NAALADL2: variants seen among roughly 807,000 people sequenced by gnomAD.
The protein encoded by NAALADL2 is inactive N-acetylated-alpha-linked acidic dipeptidase-like protein 2.
NAALADL2 carries 76 observed loss-of-function variants against 87.2 expected under a neutral mutation model. That is an observed-to-expected ratio of 0.87 (90% CI 0.72 to 1.05). NAALADL2 has a LOEUF of 1.05. Ranked by LOEUF, NAALADL2 falls within the 50% of genes least tolerant of loss-of-function variation. The pLI is 0.00. For synonymous variants in NAALADL2, 354 were observed against 331.0 expected (o/e 1.07, Z -0.75); for missense variants, 1,089 against 945.8 (o/e 1.15, Z -1.99).
At position 175,346,959 on chromosome 3, in the gene NAALADL2, C is replaced by A. The variant is rs543346388; in HGVS notation, c.1090+22634C>A. ...AAGAAATGTTAGAAACTGTGTTGGG[C>A]CTTTATACAAATTTAGTCTTGCGAG... is the stretch of plus-strand genomic sequence containing the variant. On this transcript the variant is annotated intron_variant, in intron 5 of 13. Transcript: ENST00000454872. 2.0e-5 allele frequency among the ~76,000 whole-genome samples: 3 copies of A among 151,634 alleles called. No individual in the cohort carries two copies. In the South Asian group the frequency reaches 6.3e-4, roughly 32 times the overall value.
At chr3:174,678,287 G>T (rs1727224566) in intron 2 of NAALADL2, among the ~76,000 whole-genome samples, 1 of 152,130 alleles carries the variant, frequency 6.6e-6, no homozygotes, top group Non-Finnish European at 1.5e-5. Flanking sequence ...AGGTGATGCT[G>T]ATAATGCAAG....
At chr3:175,263,237 G>C (rs1192705489) in intron 4 of NAALADL2, among the ~76,000 whole-genome samples, 1 of 151,620 alleles carries the variant, frequency 6.6e-6, no homozygotes, top group East Asian at 1.9e-4. Flanking sequence ...ATCTACAAAG[G>C]GTATTTTTTG....
intron 1 of NAALADL2, among the ~76,000 whole-genome samples, chr3:174,909,999 A>G (rs75142917): frequency 0.087 from 13,310 of 152,138 alleles, 759 homozygotes; most frequent in Non-Finnish European, 0.12. Context: ...AGAGATTATA[A>G]AGAATCACAT....
chr3:175,090,234 A>G (rs900323540), intron 1 of NAALADL2, among the ~76,000 whole-genome samples: 4 of 152,182 alleles, frequency 2.6e-5, no homozygotes, highest in South Asian at 2.1e-4. Context: ...TATTAGTGAG[A>G]CTTAAACTTA....
chr3:175,389,215 A>G (rs1275495334), intron 5 of NAALADL2, among the ~76,000 whole-genome samples: 4 of 152,170 alleles, frequency 2.6e-5, no homozygotes, highest in Admixed American at 2.6e-4. Context: ...ATAAGGCTAC[A>G]TAAAGCATTT....
At chr3:174,889,778 T>A (rs1470256244) in intron 1 of NAALADL2, among the ~76,000 whole-genome samples, 2 of 152,188 alleles carry the variant, frequency 1.3e-5, no homozygotes, top group Non-Finnish European at 2.9e-5. Flanking sequence ...TCTCCCTCCT[T>A]GATACCTGTA....
At chr3:174,595,501 G>A (rs1717800014) in intron 2 of NAALADL2, among the ~76,000 whole-genome samples, 1 of 152,146 alleles carries the variant, frequency 6.6e-6, no homozygotes, top group Non-Finnish European at 1.5e-5. Context: ...AACTTGAGGG[G>A]AGAAAAGGCT....
intron 9 of NAALADL2, among the ~76,000 whole-genome samples, chr3:175,502,556 CTT>C (rs1344245522): frequency 1.3e-5 from 2 of 152,126 alleles, no homozygotes; most frequent in South Asian, 2.1e-4. Flanking sequence ...CATCAGCTCT[CTT>C]TGCTTTCAGG....
intron 1 of NAALADL2, among the ~76,000 whole-genome samples, chr3:174,940,315 T>C (rs1738385042): frequency 6.6e-6 from 1 of 152,196 alleles, no homozygotes; most frequent in African/African-American, 2.4e-5. Flanking sequence ...ATCACATTTA[T>C]TGATGTACAT....
chr3:175,803,334 T>C lies in NAALADL2; in HGVS notation c.*131T>C, dbSNP rs1487641192. ...TGACAAGTATAAAGCTATTATTACA[T>C]TGTATTTTTTAAATGTAAATATAGA... On this transcript the variant is annotated 3_prime_UTR_variant, in exon 14 of 14. Coordinates refer to ENST00000454872, the MANE Select transcript of NAALADL2 (RefSeq NM_207015.3). 6.0e-6 allele frequency: 3 copies of C among 497,174 alleles called. No homozygotes were observed. Among genetic ancestry groups the C allele is most frequent in the African/African-American group, 5.8e-5 (3 of 51,322 alleles). The allele number at this position is 497,174 out of a possible 1,614,324, so 30.8% of individuals were successfully genotyped here.
intron 4 of NAALADL2, among the ~76,000 whole-genome samples, chr3:175,291,530 T>C (rs542095093): frequency 2.6e-5 from 4 of 152,286 alleles, no homozygotes; most frequent in Middle Eastern, 3.4e-3. Context: ...CCTGGGGTTA[T>C]ATATGTTATT....
chr3:174,947,397 T>C (rs1739604737), intron 1 of NAALADL2, among the ~76,000 whole-genome samples: 1 of 152,206 alleles, frequency 6.6e-6, no homozygotes, highest in Admixed American at 6.5e-5. Context: ...GGTTTCACTT[T>C]GATCAAATTT....
At chr3:175,118,284 T>G (rs1725598620) in intron 2 of NAALADL2, among the ~76,000 whole-genome samples, 1 of 151,784 alleles carries the variant, frequency 6.6e-6, no homozygotes, top group African/African-American at 2.4e-5. Context: ...TTCATCATTC[T>G]GAATAGCTCA....
chr3:175,287,647 G>A (rs1755149190), intron 4 of NAALADL2, among the ~76,000 whole-genome samples: 1 of 152,124 alleles, frequency 6.6e-6, no homozygotes, highest in Non-Finnish European at 1.5e-5. Flanking sequence ...CAAGTTTATT[G>A]TTACAGATAG....
At chr3:175,523,248 G>T (rs188183755) in intron 9 of NAALADL2, among the ~76,000 whole-genome samples, 18 of 152,180 alleles carry the variant, frequency 1.2e-4, no homozygotes, top group African/African-American at 4.1e-4. Context: ...CTGAGGAGTG[G>T]AAGTTATTAC....
chr3:175,678,042 G>T (rs1318035008), intron 11 of NAALADL2, among the ~76,000 whole-genome samples: 1 of 152,154 alleles, frequency 6.6e-6, no homozygotes, highest in African/African-American at 2.4e-5. Context: ...GCAGAGCCTT[G>T]TAGCTGGGCC....
intron 1 of NAALADL2, among the ~76,000 whole-genome samples, chr3:174,479,028 C>T (rs887435800): frequency 1.3e-5 from 2 of 152,096 alleles, no homozygotes; most frequent in Admixed American, 6.6e-5. Context: ...TTATGTACTG[C>T]GTTCCTCAGC....
chr3:175,029,384 T>C (rs1752563174), intron 1 of NAALADL2, among the ~76,000 whole-genome samples: 1 of 151,962 alleles, frequency 6.6e-6, no homozygotes, highest in African/African-American at 2.4e-5. Context: ...TGAACCTGAG[T>C]GACTGGTTTC....
At chr3:175,689,621 A>G (rs966005262) in intron 11 of NAALADL2, among the ~76,000 whole-genome samples, 4 of 152,192 alleles carry the variant, frequency 2.6e-5, no homozygotes, top group Admixed American at 2.6e-4. Context: ...AAACATTCCC[A>G]GTAAATCCTA....
Sources: allele counts gnomAD v4.1 joint callset (sites outside exome capture counted in the v4.1 genomes callset), GRCh38; gene constraint gnomAD v4.1.1; transcripts MANE v1.5; gene names NCBI Gene and HGNC (gene_info 2026-07-23, HGNC 2026-07-21).